POMT1: variants seen among roughly 807,000 people sequenced by gnomAD.
POMT1 encodes protein O-mannosyltransferase 1.
POMT1 carries 85 observed loss-of-function variants against 101.6 expected under a neutral mutation model. The ratio of observed to expected loss-of-function variants is 0.84; its 90% CI spans 0.70 to 1.00. The LOEUF is 1.00. Ranked by LOEUF, POMT1 falls within the 50% of genes least tolerant of loss-of-function variation. The probability of loss-of-function intolerance (pLI) is 0.00; values close to 1 mark genes in which losing one functional copy is unlikely to be tolerated. For missense variants in POMT1, 857 were observed against 930.4 expected (o/e 0.92, Z 1.03); for synonymous variants, 371 against 383.0 (o/e 0.97, Z 0.37).
In POMT1 at chr9:131,506,173, TG is replaced by T. The variant is rs1945770086; in HGVS notation, c.184del (p.Asp62MetfsTer18). ...ISFYMKQIFFLDDSGPPFGHM... is the reference protein window; with the variant it reads ...ISFYMKQIFFXDDSGPPFGHM... ...TTTTACATGAAACAAATCTTCTTCT[TG>T]GATGACAGTGGGCCGCCATTTGGCC... On this transcript the variant is annotated frameshift_variant, in exon 3 of 20. Coordinates refer to ENST00000402686, the MANE Select transcript of POMT1 (RefSeq NM_001077365.2). LOFTEE classifies it high-confidence loss of function. 1.2e-6 allele frequency: 2 copies of T among 1,614,126 alleles called. No individual in the cohort carries two copies. The highest frequency in any genetic ancestry group is 1.3e-5 in the African/African-American group (1 of 74,948).
Position 131,506,100 on chromosome 9 carries a change from G to GTT in POMT1, c.123-6_123-5dup, listed in dbSNP as rs148086540. ...CTAATTGAATATAATATGGGTTGTT[G>GTT]TTTTTTTTTCTAGTTTTGACGAAGT... is the stretch of plus-strand genomic sequence containing the variant. On this transcript the variant is annotated splice_polypyrimidine_tract_variant and intron_variant, in intron 2 of 19. Transcript: ENST00000402686. 4,933 of 1,585,038 alleles carry GTT rather than the reference G, an allele frequency of 3.1e-3. 82 individuals are homozygous for GTT. In the African/African-American group the frequency reaches 0.053, roughly 17 times the overall value.
rs773942978 is a variant in POMT1, at chr9:131,515,504, C to CCAA, written c.1256_1257insACA (p.Gln419dup). ...TTGACTATAACATCTCCATGCCCGC[C>CCAA]CAGAACCTCTGGAGACTGGTGAGTA... On this transcript the variant is annotated inframe_insertion, in exon 13 of 20. Coordinates refer to ENST00000402686, the MANE Select transcript of POMT1 (RefSeq NM_001077365.2). 1.1e-5 allele frequency: 17 copies of CCAA among 1,614,226 alleles called. No homozygotes were observed. The highest frequency in any genetic ancestry group is 3.3e-5 in the Admixed American group (2 of 60,032).
chr9:131,511,254 GGGA>G (rs780463791), intron 9 of POMT1, 80 bp from the exon 10 acceptor site: 102 of 1,435,050 alleles, frequency 7.1e-5, no homozygotes, highest in Non-Finnish European at 9.1e-5. Context: ...TCACCCCAGA[GGGA>G]GGAGTGGCCA....
Position 131,520,090 on chromosome 9 carries a change from T to C in POMT1, c.1595T>C (p.Leu532Pro). The change falls in exon 17 of 20, where the codon CTG becomes CCG. Residue 532 changes from leucine (L) to proline (P), a missense_variant. Coordinates refer to ENST00000402686, the MANE Select transcript of POMT1 (RefSeq NM_001077365.2). ...ARFSELQWRM[L>P]ALRSDDSEHK... The stretch of plus-strand genomic sequence containing the variant: ...TCTGCTTTGTTCCAGTGGAGGATGC[T>C]GGCGCTGAGAAGTGATGACTCGGAA... 1 of 1,613,690 alleles carries C rather than the reference T, an allele frequency of 6.2e-7. No individual in the cohort carries two copies. The highest frequency in any genetic ancestry group is 8.5e-7 in the Non-Finnish European group (1 of 1,179,958).
chr9:131,522,129 G>T lies in POMT1; in HGVS notation c.1908G>T (p.Glu636Asp). The change falls in exon 19 of 20, where the codon GAG becomes GAT. Residue 636 changes from glutamate to aspartate, a missense_variant. Transcript: ENST00000402686. This position sits in a 1 kb window ranked among gnomAD's most constrained non-coding sequence, Gnocchi z 5.5. ...ACTACCTCCCGTTCTTCCTGATGGA[G>T]AAGACACTCTTCCTCTACCACTACC... ...AVNYLPFFLM[E>D]KTLFLYHYLP... The T allele has an allele frequency of 6.2e-7, 1 of 1,614,166 alleles. No homozygotes were observed. Among genetic ancestry groups the T allele is most frequent in the South Asian group, 1.1e-5 (1 of 91,088 alleles).
Position 131,519,314 on chromosome 9 carries a change from T to C in POMT1, c.1487-75T>C, listed in dbSNP as rs767631824. On this transcript the variant is annotated intron_variant, in intron 15 of 19. Transcript: ENST00000402686. The surrounding 1 kb of genome is among the most constrained non-coding windows in gnomAD (Gnocchi z 4.3). ...GAAAGGCAGGAAGCCAGCTTTTTGC[T>C]GCACTGACAGCTTCTGCTCTGAGCT... 4 of 1,425,378 alleles carry C rather than the reference T, an allele frequency of 2.8e-6. No homozygotes were observed. Among genetic ancestry groups the C allele is most frequent in the South Asian group, 1.2e-5 (1 of 81,462 alleles). 88.3% of individuals were successfully genotyped at this position (1,425,378 alleles called of 1,614,324 possible).
chr9:131,517,466 T>TG (rs1166767237), intron 13 of POMT1, among the ~76,000 whole-genome samples: 1 of 152,160 alleles, frequency 6.6e-6, no homozygotes, highest in Non-Finnish European at 1.5e-5. Context: ...TTTGTGGAGA[T>TG]GGGGTCTTGC....
intron 9 of POMT1, 126 bp downstream of exon 9, chr9:131,510,541 T>G: frequency 7.6e-7 from 1 of 1,319,012 alleles, no homozygotes; most frequent in Non-Finnish European, 1.1e-6. Flanking sequence ...ACATCCATAT[T>G]TCTTTTTTTG....
chr9:131,510,630 A>T, intron 9 of POMT1: 1 of 642,454 alleles, frequency 1.6e-6, no homozygotes, highest in Non-Finnish European at 2.7e-6. Flanking sequence ...CAGCCTCCCA[A>T]GTAGCTGGTA....
At chr9:131,511,625 C>T (rs891740359) in intron 10 of POMT1, 158 bp downstream of exon 10, 11 of 1,009,692 alleles carry the variant, frequency 1.1e-5, no homozygotes, top group Middle Eastern at 3.1e-4. Context: ...TCGTGGTTCC[C>T]GGGTGTTGCT....
In POMT1 at chr9:131,522,307, A is replaced by G. The variant is rs1950099917; in HGVS notation, c.2003+83A>G. Reference sequence around the variant, plus strand: ...CATGCGCAGCAAACACATGGGGTGCAGCGAACCTCACCCATTTCACGTTAC... The same window carrying G: ...CATGCGCAGCAAACACATGGGGTGCGGCGAACCTCACCCATTTCACGTTAC... On this transcript the variant is annotated intron_variant, in intron 19 of 19. Transcript: ENST00000402686. The surrounding 1 kb of genome is among the most constrained non-coding windows in gnomAD (Gnocchi z 5.5). 1 of 1,590,246 alleles carries G rather than the reference A, an allele frequency of 6.3e-7. No individual in the cohort carries two copies. Among genetic ancestry groups the G allele is most frequent in the Non-Finnish European group, 8.5e-7 (1 of 1,173,336 alleles).
Position 131,519,539 on chromosome 9 carries a change from G to C in POMT1, c.1584+53G>C. ...TAGCTCGCTGAGCATTGACTCCTCA[G>C]CAGGGAGGCCTGGGGGCTGCACAGG... On this transcript the variant is annotated intron_variant, in intron 16 of 19. Coordinates refer to ENST00000402686, the MANE Select transcript of POMT1 (RefSeq NM_001077365.2). This position sits in a 1 kb window ranked among gnomAD's most constrained non-coding sequence, Gnocchi z 4.3. 1 of 1,518,214 alleles carries C rather than the reference G, an allele frequency of 6.6e-7. No homozygotes were observed. The highest frequency in any genetic ancestry group is 1.2e-5 in the South Asian group (1 of 83,450). The allele number at this position is 1,518,214 out of a possible 1,614,324, so 94.0% of individuals were successfully genotyped here.
At chr9:131,515,788 C>CTTCCTCTA (rs1948279547) in intron 13 of POMT1, among the ~76,000 whole-genome samples, 1 of 24,148 alleles carries the variant, frequency 4.1e-5, no homozygotes, top group Non-Finnish European at 1.2e-4. Context: ...CTTCCTGTAA[C>CTTCCTCTA]ACAGGACACT....
At position 131,519,240 on chromosome 9, in the gene POMT1, G is replaced by A; in HGVS notation, c.1487-149G>A. ...ATTTGACCGGGCAGTCTTGGGTGTGGTGGGGAAAGCTAAGTGGAATGATGC... is the reference window on the plus strand; with the variant it reads ...ATTTGACCGGGCAGTCTTGGGTGTGATGGGGAAAGCTAAGTGGAATGATGC... On this transcript the variant is annotated intron_variant, in intron 15 of 19. Transcript: ENST00000402686. This position sits in a 1 kb window ranked among gnomAD's most constrained non-coding sequence, Gnocchi z 4.3. 1.1e-6 allele frequency: 1 copy of A among 938,010 alleles called. No individual in the cohort carries two copies. Among genetic ancestry groups the A allele is most frequent in the South Asian group, 1.4e-5 (1 of 71,426 alleles). The allele number at this position is 938,010 out of a possible 1,614,324, so 58.1% of individuals were successfully genotyped here.
rs551579745 is a variant in POMT1 at position 131,523,719 on chromosome 9, C to T, written c.*613C>T. The T allele has an allele frequency of 3.4e-4, 55 of 160,384 alleles. No individual in the cohort carries two copies. The highest frequency in any genetic ancestry group is 1.4e-3 in the Admixed American group (25 of 17,458). 9.9% of individuals were successfully genotyped at this position (160,384 alleles called of 1,614,324 possible). On this transcript the variant is annotated 3_prime_UTR_variant, in exon 20 of 20. Coordinates refer to ENST00000402686, the MANE Select transcript of POMT1 (RefSeq NM_001077365.2). ...AGACGTGGCTGAGTGAAATCTTCCT[C>T]GTCAGTGGTCAAGGTGTGTCATCCA... is the stretch of plus-strand genomic sequence containing the variant.
At chr9:131,520,545 C>T (rs1027002797) in intron 17 of POMT1, among the ~76,000 whole-genome samples, 15 of 152,210 alleles carry the variant, frequency 9.9e-5, no homozygotes, top group Admixed American at 7.9e-4. Context: ...TCTCTCCACC[C>T]GGCAGAGTGA....
rs77942715 is a variant in POMT1 at position 131,522,672 on chromosome 9, C to T, written c.2004-260C>T. The T allele has an allele frequency of 2.2e-4, 127 of 581,568 alleles. No individual in the cohort carries two copies. The highest frequency in any genetic ancestry group is 2.1e-3 in the African/African-American group (112 of 53,602). The allele number at this position is 581,568 out of a possible 1,614,324, so 36.0% of individuals were successfully genotyped here. The stretch of plus-strand genomic sequence containing the variant: ...TTCAGGAAGCCACACAAGGGAGGAC[C>T]GTGGGTTTGGGACCAGTCCTCTGGC... On this transcript the variant is annotated intron_variant, in intron 19 of 19. Coordinates refer to ENST00000402686, the MANE Select transcript of POMT1 (RefSeq NM_001077365.2). This position sits in a 1 kb window ranked among gnomAD's most constrained non-coding sequence, Gnocchi z 5.5.
chr9:131,522,223 A>G lies in POMT1; in HGVS notation c.2002A>G (p.Arg668Gly). The change falls in exon 19 of 20, where the codon AGG becomes GGG. Residue 668 changes from arginine to glycine, a missense_variant and splice_region_variant. By Grantham distance (125) the Arg-to-Gly change is moderately radical. Coordinates refer to ENST00000402686, the MANE Select transcript of POMT1 (RefSeq NM_001077365.2). The surrounding 1 kb of genome is among the most constrained non-coding windows in gnomAD (Gnocchi z 5.5). ...VLQHISDHLCRSQLQRSIFSA... is the reference protein window; with the variant it reads ...VLQHISDHLCGSQLQRSIFSA... ...GCAGCACATCAGCGACCACCTGTGC[A>G]GGTACGGGGGCTGCGGAGACAGTGG... 1.2e-6 allele frequency: 2 copies of G among 1,613,504 alleles called. No homozygotes were observed. Among genetic ancestry groups the G allele is most frequent in the Non-Finnish European group, 1.7e-6 (2 of 1,180,014 alleles).
At chr9:131,504,853 A>G (rs920700329) in intron 2 of POMT1, among the ~76,000 whole-genome samples, 2 of 148,236 alleles carry the variant, frequency 1.3e-5, no homozygotes, top group Non-Finnish European at 3.0e-5. Flanking sequence ...ATCTCGGCTC[A>G]CTGCAACCTC....
Sources: allele counts gnomAD v4.1 joint callset (sites outside exome capture counted in the v4.1 genomes callset), GRCh38; gene constraint gnomAD v4.1.1; non-coding constraint Gnocchi (gnomAD v3.1); transcripts MANE v1.5; gene names NCBI Gene and HGNC (gene_info 2026-07-23, HGNC 2026-07-21).